EPB41L4A: variants seen among roughly 807,000 people sequenced by gnomAD.
EPB41L4A encodes the protein band 4.1-like protein 4A.
In EPB41L4A, 100 loss-of-function variants were observed where a neutral mutation model predicts 108.6. The ratio of observed to expected loss-of-function variants is 0.92; its 90% CI spans 0.78 to 1.09. The LOEUF (loss-of-function observed/expected upper bound fraction) is 1.09, where lower values mean the gene tolerates loss of function less well. Ranked by LOEUF, EPB41L4A falls within the 50% of genes least tolerant of loss-of-function variation. The probability of loss-of-function intolerance (pLI) is 0.00; values close to 1 mark genes in which losing one functional copy is unlikely to be tolerated. For synonymous variants in EPB41L4A, 319 were observed against 289.0 expected (o/e 1.10, Z -1.05); for missense variants, 1,030 against 842.7 (o/e 1.22, Z -2.75).
intron 1 of EPB41L4A, among the ~76,000 whole-genome samples, chr5:112,406,880 G>C (rs529496626): frequency 6.6e-6 from 1 of 152,238 alleles, no homozygotes; most frequent in East Asian, 1.9e-4. Context: ...GGCTGGATTA[G>C]ATGACTCCAA....
At chr5:112,329,462 C>A (rs1309266378) in intron 1 of EPB41L4A, among the ~76,000 whole-genome samples, 3 of 152,180 alleles carry the variant, frequency 2.0e-5, no homozygotes, top group African/African-American at 7.2e-5. Context: ...TTAGTCCTGG[C>A]TCTGCTATTA....
chr5:112,243,145 C>T (rs985792783), intron 9 of EPB41L4A, among the ~76,000 whole-genome samples: 2 of 148,906 alleles, frequency 1.3e-5, no homozygotes, highest in Non-Finnish European at 2.9e-5. Context: ...ATCCGGGAGG[C>T]AGAGGTTGCA....
In EPB41L4A at chr5:112,262,495, TAGACGGG is replaced by T. The variant is rs779772038; in HGVS notation, c.634_640del (p.Pro212MetfsTer10). The T allele has an allele frequency of 6.2e-7, 1 of 1,613,000 alleles. No individual in the cohort carries two copies. The highest frequency in any genetic ancestry group is 1.1e-5 in the South Asian group (1 of 91,010). ...TTGTGTTAATTAAATGTTACTCACA[TAGACGGG>T]ATGGAGGTCAACGCCATACATCTCC... On this transcript the variant is annotated frameshift_variant and splice_region_variant, in exon 7 of 23. Coordinates refer to ENST00000261486, the MANE Select transcript of EPB41L4A (RefSeq NM_022140.5). LOFTEE classifies it high-confidence loss of function.
chr5:112,247,036 G>T (rs1007485839), intron 9 of EPB41L4A, among the ~76,000 whole-genome samples: 1 of 152,202 alleles, frequency 6.6e-6, no homozygotes. Flanking sequence ...TAGTAGGCTA[G>T]ACCAGCCAGG....
intron 1 of EPB41L4A, among the ~76,000 whole-genome samples, chr5:112,381,194 G>A (rs968779089): frequency 1.3e-5 from 2 of 152,104 alleles, no homozygotes; most frequent in Admixed American, 1.3e-4. Context: ...ACTCAAGTCT[G>A]GTCAGGTTTT....
chr5:112,179,228 T>C (rs912318259), intron 18 of EPB41L4A, among the ~76,000 whole-genome samples: 2 of 152,064 alleles, frequency 1.3e-5, no homozygotes, highest in African/African-American at 4.8e-5. Context: ...ACAAAGAACA[T>C]TCCAGGCAGA....
intron 1 of EPB41L4A, among the ~76,000 whole-genome samples, chr5:112,360,941 TGAG>T (rs1758696513): frequency 6.6e-6 from 1 of 151,730 alleles, no homozygotes; most frequent in Non-Finnish European, 1.5e-5. Flanking sequence ...GTCTGGGAGG[TGAG>T]GAGCGTCTCT....
chr5:112,291,617 C>T (rs1753649229), intron 2 of EPB41L4A, among the ~76,000 whole-genome samples: 3 of 152,146 alleles, frequency 2.0e-5, no homozygotes, highest in Admixed American at 1.3e-4. Flanking sequence ...TCCCTGTGTT[C>T]ATACAGATCA....
At chr5:112,217,223 C>A (rs1478562801) in intron 12 of EPB41L4A, among the ~76,000 whole-genome samples, 1 of 152,090 alleles carries the variant, frequency 6.6e-6, no homozygotes, top group Non-Finnish European at 1.5e-5. Context: ...GAATTACAGG[C>A]GTGAGCCACC....
rs1225000040 is a variant in EPB41L4A at position 112,170,953 on chromosome 5, C to T, written c.1662G>A (p.Lys554=). ...PDIQAKEELW[K]HIQKELVDPS... ...AGAAAACTATTACTCACTGAATGTG[C>T]TTCCATAACTCTTCTTTTGCTTGGA... Residue 554 remains lysine (K), a synonymous_variant, in exon 19 of 23, where the codon AAG becomes AAA. Coordinates refer to ENST00000261486, the MANE Select transcript of EPB41L4A (RefSeq NM_022140.5). 2.5e-6 allele frequency: 4 copies of T among 1,613,288 alleles called. No individual in the cohort carries two copies. The highest frequency in any genetic ancestry group is 2.2e-5 in the East Asian group (1 of 44,890).
At chr5:112,418,823 C>A in intron 1 of EPB41L4A, 118 bp downstream of exon 1, 2 of 711,536 alleles carry the variant, frequency 2.8e-6, no homozygotes, top group Non-Finnish European at 4.9e-6. Context: ...GGCCTCTCCT[C>A]CCCACCGCGC....
chr5:112,156,223 T>G (rs1016701350), intron 12 of EPB41L4A, among the ~76,000 whole-genome samples: 4 of 152,082 alleles, frequency 2.6e-5, no homozygotes, highest in African/African-American at 9.7e-5. Context: ...AGAAGGAAAC[T>G]TCCCTAACCC....
chr5:112,336,547 C>T (rs1454983207), intron 1 of EPB41L4A, among the ~76,000 whole-genome samples: 2 of 152,222 alleles, frequency 1.3e-5, no homozygotes, highest in African/African-American at 2.4e-5. Flanking sequence ...TCGCCAAATA[C>T]TTCCAGTGGT....
chr5:112,203,740 A>G (rs1304990483), intron 15 of EPB41L4A, among the ~76,000 whole-genome samples: 1 of 151,994 alleles, frequency 6.6e-6, no homozygotes. Flanking sequence ...TATGTTTTAT[A>G]TATTAACATA....
intron 2 of EPB41L4A, among the ~76,000 whole-genome samples, chr5:112,300,664 A>G (rs1754294182): frequency 6.6e-6 from 1 of 151,924 alleles, no homozygotes; most frequent in African/African-American, 2.4e-5. Context: ...GTGTTCTTTG[A>G]GCTCCTTCTA....
At chr5:112,222,948 T>TC (rs1554080347) in intron 12 of EPB41L4A, among the ~76,000 whole-genome samples, 3 of 134,744 alleles carry the variant, frequency 2.2e-5, no homozygotes, top group African/African-American at 5.3e-5. Flanking sequence ...ACTAGTTTTT[T>TC]TTTTTTTTTT....
intron 7 of EPB41L4A, 146 bp from the exon 8 acceptor site, chr5:112,260,125 G>T: frequency 1.6e-6 from 1 of 623,986 alleles, no homozygotes; most frequent in South Asian, 2.1e-5. Flanking sequence ...GATACACTAT[G>T]ATAGTAGCTA....
intron 1 of EPB41L4A, among the ~76,000 whole-genome samples, chr5:112,394,994 A>G (rs1487320080): frequency 1.3e-5 from 2 of 151,570 alleles, no homozygotes; most frequent in Non-Finnish European, 2.9e-5. Context: ...AGAAATGGGG[A>G]AAGGATTCCC....
chr5:112,224,361 G>T lies in EPB41L4A; in HGVS notation c.1087+10273C>A, dbSNP rs541084994. ...CTGGGAAGATCTTTTTCACAACTTT[G>T]CAAGACTTTTGAAATGGTAAAAACC... On this transcript the variant is annotated intron_variant, in intron 12 of 22. Transcript: ENST00000261486. Among the ~76,000 whole-genome samples, 5 of 152,000 alleles carry T rather than the reference G, an allele frequency of 3.3e-5. No homozygotes were observed. The East Asian group carries it at 9.7e-4, about 29-fold the overall frequency.
Sources: gnomAD v4.1 joint callset for allele counts (sites outside exome capture counted in the v4.1 genomes callset) on GRCh38, gnomAD v4.1.1 for gene constraint, MANE v1.5 for transcripts, NCBI Gene and HGNC (gene_info 2026-07-23, HGNC 2026-07-21) for gene names.